FGF12: variants seen among roughly 807,000 people sequenced by gnomAD.
FGF12 encodes fibroblast growth factor 12, also known as fibroblast growth factor 12B.
In FGF12, 14 loss-of-function variants were observed where a neutral mutation model predicts 23.6. The observed-to-expected ratio is 0.59, with a 90% CI of 0.39 to 0.93. The LOEUF is 0.93. Among genes scored for constraint, FGF12 ranks in the 40% least tolerant of loss-of-function variants. The probability of loss-of-function intolerance (pLI) is 0.00; values close to 1 mark genes in which losing one functional copy is unlikely to be tolerated. For missense variants in FGF12, 175 were observed against 217.8 expected (o/e 0.80, Z 1.24); for synonymous variants, 62 against 77.3 (o/e 0.80, Z 1.04).
chr3:192,328,912 G>A (rs956013107), intron 4 of FGF12, among the ~76,000 whole-genome samples: 3 of 152,188 alleles, frequency 2.0e-5, no homozygotes, highest in Non-Finnish European at 4.4e-5. Flanking sequence ...TAGGTTTACT[G>A]AGATTGCTTT....
chr3:192,354,473 G>A (rs1305462375), intron 3 of FGF12, among the ~76,000 whole-genome samples: 1 of 150,968 alleles, frequency 6.6e-6, no homozygotes. Context: ...AAAAAATATC[G>A]GAGGCAACAG....
intron 2 of FGF12, among the ~76,000 whole-genome samples, chr3:192,528,365 G>C (rs1004341698): frequency 6.6e-6 from 1 of 152,172 alleles, no homozygotes; most frequent in Non-Finnish European, 1.5e-5. Context: ...CTCAGGTCCA[G>C]GTCACACTGA....
intron 2 of FGF12, among the ~76,000 whole-genome samples, chr3:192,658,274 C>G (rs1441652680): frequency 6.6e-6 from 1 of 152,206 alleles, no homozygotes; most frequent in Non-Finnish European, 1.5e-5. Context: ...AGGCTGAAAG[C>G]TGATACTGAA....
chr3:192,252,041 G>A lies in FGF12; in HGVS notation c.229-81385C>T, dbSNP rs1028200577. 3.3e-5 allele frequency among the ~76,000 whole-genome samples: 5 copies of A among 152,114 alleles called. 1 individual carries two copies. Among genetic ancestry groups the A allele is most frequent in the African/African-American group, 1.2e-4 (5 of 41,426 alleles). ...AAGAACACCAACAAACAAGATGACA[G>A]GTAATTGCATGCTTAATTTTTTTTT... On this transcript the variant is annotated intron_variant, in intron 4 of 5. Transcript: ENST00000445105.
At chr3:192,506,526 G>T (rs1724304683) in intron 2 of FGF12, among the ~76,000 whole-genome samples, 1 of 151,826 alleles carries the variant, frequency 6.6e-6, no homozygotes, top group African/African-American at 2.4e-5. Context: ...GCGCAACACT[G>T]CAACCAGCTA....
Position 192,497,595 on chromosome 3 carries a change from G to A in FGF12, c.14-137057C>T, listed in dbSNP as rs190341487. Among the ~76,000 whole-genome samples the A allele has an allele frequency of 3.7e-4, 56 of 152,218 alleles. No individual in the cohort carries two copies. In the South Asian group the frequency reaches 4.4e-3, roughly 12 times the overall value. On this transcript the variant is annotated intron_variant, in intron 2 of 5. Transcript: ENST00000445105. ...AATTCTTCTTCCCTTTGCTCTTGCC[G>A]CACTGCTCTTCTTGCCCCTCTTTAA...
At chr3:192,316,727 C>T (rs1447680035) in intron 4 of FGF12, among the ~76,000 whole-genome samples, 3 of 152,144 alleles carry the variant, frequency 2.0e-5, no homozygotes, top group African/African-American at 7.2e-5. Context: ...TCTGAGTGGA[C>T]TTGTGGTGCA....
intron 3 of FGF12, among the ~76,000 whole-genome samples, chr3:192,348,032 A>T (rs1456300151): frequency 6.6e-6 from 1 of 152,198 alleles, no homozygotes; most frequent in Non-Finnish European, 1.5e-5. Flanking sequence ...TGGACTATTT[A>T]TAACACTATC....
chr3:192,296,549 CA>C, intron 4 of FGF12, among the ~76,000 whole-genome samples: 1 of 152,128 alleles, frequency 6.6e-6, no homozygotes, highest in Non-Finnish European at 1.5e-5. Flanking sequence ...ACAAAATCTT[CA>C]AAAATTGTCC....
intron 2 of FGF12, among the ~76,000 whole-genome samples, chr3:192,609,630 C>T (rs1714475741): frequency 6.6e-6 from 1 of 151,940 alleles, no homozygotes; most frequent in Admixed American, 6.6e-5. Context: ...ACACAGTTAC[C>T]GTGTTAGGGG....
chr3:192,335,428 A>T lies in FGF12; in HGVS notation c.161T>A (p.Val54Glu). 1 of 1,613,262 alleles carries T rather than the reference A, an allele frequency of 6.2e-7. No homozygotes were observed. The highest frequency in any genetic ancestry group is 8.5e-7 in the Non-Finnish European group (1 of 1,179,458). ...GCTAGCCTTCACTCCTTGGATGGCC[A>T]CTACACGCAGGCCCACGGGAATTAG... The part of the protein sequence containing the change: ...FNLIPVGLRV[V>E]AIQGVKASLY... Residue 54 changes from valine to glutamate, a missense_variant, in exon 4 of 6, where the codon GTG becomes GAG. Transcript: ENST00000445105.
rs148738132 is a variant in FGF12, at chr3:192,640,636, G to C, written c.13+86545C>G. Among the ~76,000 whole-genome samples, 24 of 152,242 alleles carry C rather than the reference G, an allele frequency of 1.6e-4. No individual in the cohort carries two copies. In the East Asian group the frequency reaches 3.1e-3, roughly 20 times the overall value. ...CAGTCAGCCCAATCTTACATAAAAT[G>C]TGTTAAAAACTTGAGTAAATAAATA... On this transcript the variant is annotated intron_variant, in intron 2 of 5. Transcript: ENST00000445105.
intron 2 of FGF12, among the ~76,000 whole-genome samples, chr3:192,432,947 A>G (rs1210584702): frequency 6.6e-6 from 1 of 152,156 alleles, no homozygotes; most frequent in African/African-American, 2.4e-5. Flanking sequence ...GGTCTGTAGC[A>G]TTGGTGAACT....
chr3:192,281,657 C>A (rs1427474721), intron 4 of FGF12, among the ~76,000 whole-genome samples: 3 of 152,068 alleles, frequency 2.0e-5, no homozygotes, highest in Non-Finnish European at 4.4e-5. Context: ...TCAGCTTGGG[C>A]ACTTAGCAAC....
At chr3:192,371,376 C>G (rs547871911) in intron 2 of FGF12, among the ~76,000 whole-genome samples, 2 of 152,286 alleles carry the variant, frequency 1.3e-5, no homozygotes, top group African/African-American at 4.8e-5. Flanking sequence ...TGATCTTATC[C>G]CAAACGAGCT....
At chr3:192,550,982 A>G (rs1429552973) in intron 2 of FGF12, among the ~76,000 whole-genome samples, 1 of 152,194 alleles carries the variant, frequency 6.6e-6, no homozygotes, top group Non-Finnish European at 1.5e-5. Context: ...AACCCTAGGA[A>G]TAGATTGTGT....
At chr3:192,309,019 A>T (rs568182175) in intron 4 of FGF12, among the ~76,000 whole-genome samples, 1 of 152,336 alleles carries the variant, frequency 6.6e-6, no homozygotes, top group Admixed American at 6.5e-5. Flanking sequence ...CATCTACAGA[A>T]ATATTACTTG....
At chr3:192,234,481 A>C (rs1022637114) in intron 4 of FGF12, among the ~76,000 whole-genome samples, 2 of 152,176 alleles carry the variant, frequency 1.3e-5, no homozygotes, top group Non-Finnish European at 2.9e-5. Flanking sequence ...ATCATCTGCA[A>C]AGGGAGATAA....
intron 2 of FGF12, among the ~76,000 whole-genome samples, chr3:192,557,100 A>G (rs1711813797): frequency 6.6e-6 from 1 of 151,776 alleles, no homozygotes; most frequent in African/African-American, 2.4e-5. Flanking sequence ...CTGCAATAAG[A>G]AAAAAAACCT....
Sources: allele counts gnomAD v4.1 joint callset (sites outside exome capture counted in the v4.1 genomes callset), GRCh38; gene constraint gnomAD v4.1.1; transcripts MANE v1.5; gene names NCBI Gene and HGNC (gene_info 2026-07-23, HGNC 2026-07-21).